The following SPIRE1 variants were observed in gnomAD, a reference collection of about 807,000 sequenced individuals.
The protein encoded by SPIRE1 is protein spire homolog 1.
Under a neutral mutation model 94.1 loss-of-function variants are expected in SPIRE1, and 40 were observed. That is an observed-to-expected ratio of 0.43 (90% CI 0.33 to 0.55). The LOEUF is 0.55. Ranked by LOEUF, SPIRE1 falls within the 20% of genes least tolerant of loss-of-function variation. The pLI is 0.06. For synonymous variants in SPIRE1, 376 were observed against 371.7 expected, an observed-to-expected ratio of 1.01 and a Z score of -0.13; for missense variants, 838 against 975.2, an observed-to-expected ratio of 0.86 and a Z score of 1.87.
chr18:12,609,600 A>T (rs777480181), intron 2 of SPIRE1, among the ~76,000 whole-genome samples: 4 of 152,022 alleles, frequency 2.6e-5, no homozygotes. Flanking sequence ...ACGATCTGAG[A>T]CCTATTTCTG....
At chr18:12,651,826 CT>C (rs1281587828) in intron 1 of SPIRE1, among the ~76,000 whole-genome samples, 16 of 152,180 alleles carry the variant, frequency 1.1e-4, no homozygotes, top group African/African-American at 3.9e-4. Context: ...ATCGTATCCT[CT>C]TTTCAAAACC....
intron 4 of SPIRE1, among the ~76,000 whole-genome samples, chr18:12,514,614 G>A (rs1417603021): frequency 6.6e-6 from 1 of 152,084 alleles, no homozygotes; most frequent in African/African-American, 2.4e-5. Flanking sequence ...CCCTTACCAA[G>A]TCAACTTTAG....
chr18:12,512,775 CTTTTT>C (rs35531986), intron 4 of SPIRE1, among the ~76,000 whole-genome samples: 7 of 140,302 alleles, frequency 5.0e-5, no homozygotes, highest in Non-Finnish European at 7.6e-5. Flanking sequence ...CTTTCTTTTT[CTTTTT>C]TTTTTTTTTT....
intron 7 of SPIRE1, among the ~76,000 whole-genome samples, chr18:12,493,756 G>C (rs959426063): frequency 1.3e-5 from 2 of 152,312 alleles, no homozygotes; most frequent in South Asian, 4.1e-4. Context: ...AGCCTCCCAA[G>C]TGGTTGGGAT....
At chr18:12,462,530 C>T (rs2031908155) in intron 12 of SPIRE1, among the ~76,000 whole-genome samples, 1 of 152,122 alleles carries the variant, frequency 6.6e-6, no homozygotes, top group South Asian at 2.1e-4. Context: ...TGCCCACTGT[C>T]CTGAGAAATG....
At chr18:12,628,902 T>C (rs566569868) in intron 2 of SPIRE1, among the ~76,000 whole-genome samples, 9 of 152,332 alleles carry the variant, frequency 5.9e-5, no homozygotes, top group Non-Finnish European at 8.8e-5. Flanking sequence ...TCAAGATGCA[T>C]GTGGGAATGA....
At chr18:12,504,503 G>A (rs2033768964) in intron 6 of SPIRE1, among the ~76,000 whole-genome samples, 1 of 152,124 alleles carries the variant, frequency 6.6e-6, no homozygotes, top group Admixed American at 6.6e-5. Context: ...GTGAGACTCT[G>A]TCTCAAAAAT....
chr18:12,507,231 T>C (rs1567897623), intron 5 of SPIRE1, among the ~76,000 whole-genome samples: 3 of 152,212 alleles, frequency 2.0e-5, no homozygotes, highest in Admixed American at 6.5e-5. Context: ...TAGTGGTTAG[T>C]TACACGGTAT....
chr18:12,597,157 TACAC>T (rs58238813), intron 2 of SPIRE1, among the ~76,000 whole-genome samples: 10,040 of 144,046 alleles, frequency 0.07, 453 homozygotes, highest in African/African-American at 0.13. Flanking sequence ...TGTCTCTTTC[TACAC>T]ACACACACAC....
chr18:12,471,248 A>T (rs1598903381), intron 10 of SPIRE1, among the ~76,000 whole-genome samples: 1 of 152,160 alleles, frequency 6.6e-6, no homozygotes, highest in East Asian at 1.9e-4. Flanking sequence ...TTTATAGGGG[A>T]TCTGTGACTA....
At chr18:12,489,083 G>T (rs1250490668) in intron 8 of SPIRE1, among the ~76,000 whole-genome samples, 2 of 152,172 alleles carry the variant, frequency 1.3e-5, no homozygotes, top group African/African-American at 2.4e-5. Context: ...AGCTACTCGG[G>T]AGGCTGAGGC....
At position 12,623,247 on chromosome 18, in the gene SPIRE1, A is replaced by G. The variant is rs1275807373; in HGVS notation, c.372+11815T>C. ...TGGCTCACTGCAAGCTCCACCTCCTAGGTTCATGCCATTCTCCTGCCTCAG... is the reference window on the plus strand; with the variant it reads ...TGGCTCACTGCAAGCTCCACCTCCTGGGTTCATGCCATTCTCCTGCCTCAG... On this transcript the variant is annotated intron_variant, in intron 2 of 16. Transcript: ENST00000409402. 4.6e-5 allele frequency among the ~76,000 whole-genome samples: 7 copies of G among 151,556 alleles called. No individual in the cohort carries two copies. In the East Asian group the frequency reaches 1.2e-3, roughly 25 times the overall value.
At position 12,582,889 on chromosome 18, in the gene SPIRE1, T is replaced by C. The variant is rs191018199; in HGVS notation, c.373-35985A>G. 1.3e-3 allele frequency among the ~76,000 whole-genome samples: 199 copies of C among 152,178 alleles called. 2 individuals are homozygous for C. Among genetic ancestry groups the C allele is most frequent in the African/African-American group, 4.6e-3 (191 of 41,516 alleles). ...GCTGGGGGTGTACTGGGGAAGGAAA[T>C]AGACAGTCTGGACTCTACCATCATG... On this transcript the variant is annotated intron_variant, in intron 2 of 16. Coordinates refer to ENST00000409402, the MANE Select transcript of SPIRE1 (RefSeq NM_001128626.2).
chr18:12,570,944 TCA>T (rs2144466268), intron 2 of SPIRE1, among the ~76,000 whole-genome samples: 1 of 152,330 alleles, frequency 6.6e-6, no homozygotes, highest in East Asian at 1.9e-4. Context: ...AATGGCCAAG[TCA>T]CACACATCAT....
intron 4 of SPIRE1, among the ~76,000 whole-genome samples, chr18:12,520,198 T>A (rs1375395983): frequency 2.6e-5 from 4 of 152,120 alleles, no homozygotes; most frequent in Non-Finnish European, 5.9e-5. Flanking sequence ...AATACTGATA[T>A]GCGCTTGTTA....
At chr18:12,653,988 G>A (rs975470501) in intron 1 of SPIRE1, among the ~76,000 whole-genome samples, 2 of 151,620 alleles carry the variant, frequency 1.3e-5, no homozygotes, top group African/African-American at 4.8e-5. Context: ...CAATGGATGT[G>A]AAAACATAAA....
At chr18:12,532,635 G>A (rs969227813) in intron 4 of SPIRE1, among the ~76,000 whole-genome samples, 2 of 152,088 alleles carry the variant, frequency 1.3e-5, no homozygotes, top group African/African-American at 2.4e-5. Context: ...GGGATCTTCC[G>A]AAAAAAGTCA....
At chr18:12,594,770 CTT>C (rs1296519824) in intron 2 of SPIRE1, among the ~76,000 whole-genome samples, 6 of 152,236 alleles carry the variant, frequency 3.9e-5, no homozygotes, top group South Asian at 2.1e-4. Flanking sequence ...AAAAATTACT[CTT>C]GAGTGTTTTG....
chr18:12,647,715 C>T (rs2038262736), intron 1 of SPIRE1, among the ~76,000 whole-genome samples: 1 of 152,164 alleles, frequency 6.6e-6, no homozygotes, highest in Non-Finnish European at 1.5e-5. Flanking sequence ...GATCACATCA[C>T]TGCACTCCTG....
Sources: gnomAD v4.1 joint callset for allele counts (sites outside exome capture counted in the v4.1 genomes callset) on GRCh38, gnomAD v4.1.1 for gene constraint, MANE v1.5 for transcripts, NCBI Gene and HGNC (gene_info 2026-07-23, HGNC 2026-07-21) for gene names.